The following TULP4 variants were observed in gnomAD, a reference collection of about 807,000 sequenced individuals.
The protein encoded by TULP4 is TUB like protein 4, also known as tubby-related protein 4.
Under a neutral mutation model 129.0 loss-of-function variants are expected in TULP4, and 16 were observed. The ratio of observed to expected loss-of-function variants is 0.12; its 90% confidence interval spans 0.08 to 0.19. The LOEUF (loss-of-function observed/expected upper bound fraction) is 0.19, where lower values mean the gene tolerates loss of function less well. Among genes scored for constraint, TULP4 ranks in the 10% least tolerant of loss-of-function variants. The probability of loss-of-function intolerance (pLI) is 1.00; values close to 1 mark genes in which losing one functional copy is unlikely to be tolerated. For missense variants in TULP4, 1,842 were observed against 2,059.1 expected, an observed-to-expected ratio of 0.89 and a Z score of 2.04; for synonymous variants, 998 against 854.0, an observed-to-expected ratio of 1.17 and a Z score of -2.94.
At chr6:158,317,501 C>CT (rs36152252) in intron 1 of TULP4, among the ~76,000 whole-genome samples, 130,751 of 151,878 alleles carry the variant, frequency 0.86, 56,710 homozygotes, top group South Asian at 0.93. Context: ...TGAACTCATC[C>CT]TTTTTTATGG....
chr6:158,244,986 A>G (rs1185754702), intron 1 of TULP4, among the ~76,000 whole-genome samples: 1 of 151,960 alleles, frequency 6.6e-6, no homozygotes, highest in Non-Finnish European at 1.5e-5. Flanking sequence ...TATAATTTAG[A>G]CACAATTTTT....
intron 1 of TULP4, among the ~76,000 whole-genome samples, chr6:158,316,069 G>C (rs1779484757): frequency 6.6e-6 from 1 of 152,168 alleles, no homozygotes; most frequent in Admixed American, 6.5e-5. Context: ...TCTGTGTCTG[G>C]CTTCTTTCAC....
In TULP4 at chr6:158,494,452, A is replaced by G. The variant is rs114146470; in HGVS notation, c.1777-301A>G. ...GATGTTTTCAGGCGAAATATCAAAG[A>G]TAAAAATGGATTCAGAGTTAGATCC... On this transcript the variant is annotated intron_variant, in intron 10 of 13. Coordinates refer to ENST00000367097, the MANE Select transcript of TULP4 (RefSeq NM_020245.5). Among the ~76,000 whole-genome samples the G allele has an allele frequency of 4.0e-3, 617 of 152,346 alleles. 4 individuals carry two copies. The highest frequency in any genetic ancestry group is 0.014 in the African/African-American group (585 of 41,564).
intron 1 of TULP4, among the ~76,000 whole-genome samples, chr6:158,353,044 T>C (rs950496543): frequency 2.6e-5 from 4 of 152,218 alleles, no homozygotes; most frequent in Non-Finnish European, 4.4e-5. Context: ...AGGCTCCAGC[T>C]GATGAAAAAA....
chr6:158,503,817 A>G lies in TULP4; in HGVS notation c.4154A>G (p.Lys1385Arg). The G allele has an allele frequency of 9.3e-6, 15 of 1,614,172 alleles. No homozygotes were observed. The highest frequency in any genetic ancestry group is 1.2e-5 in the Non-Finnish European group (14 of 1,180,044). Residue 1385 changes from lysine (K) to arginine (R), a missense_variant, in exon 13 of 14, where the codon AAG (lysine) becomes AGG (arginine). Physicochemically the swap from Lys to Arg is conservative, Grantham distance 26. This residue lies in a region of TULP4 where 1,089 missense variants were observed against 987.1 expected (regional missense o/e 1.10). Transcript: ENST00000367097. This position sits in a 1 kb window ranked among gnomAD's most constrained non-coding sequence, Gnocchi z 4.3. ...PHLGREKKKV[K>R]SQKDQLKSKK... ...CTGGGGAGAGAGAAGAAGAAAGTGA[A>G]GAGTCAGAAAGACCAACTGAAGTCA...
chr6:158,257,102 A>T (rs554049626), intron 1 of TULP4, among the ~76,000 whole-genome samples: 3 of 152,298 alleles, frequency 2.0e-5, no homozygotes, highest in Non-Finnish European at 4.4e-5. Flanking sequence ...CTGATCTCCA[A>T]CCAGGTTAGT....
intron 5 of TULP4, among the ~76,000 whole-genome samples, chr6:158,459,752 C>G (rs1277244309): frequency 6.6e-6 from 1 of 152,184 alleles, no homozygotes; most frequent in Non-Finnish European, 1.5e-5. Context: ...ATGCTTCTGT[C>G]CTAAGAAGCT....
chr6:158,252,378 TG>T (rs1435917827), intron 1 of TULP4, among the ~76,000 whole-genome samples: 1 of 151,988 alleles, frequency 6.6e-6, no homozygotes, highest in Non-Finnish European at 1.5e-5. Flanking sequence ...TATAAGCTTT[TG>T]TTTATTTACT....
intron 3 of TULP4, among the ~76,000 whole-genome samples, chr6:158,444,555 T>C (rs2115115666): frequency 6.6e-6 from 1 of 152,276 alleles, no homozygotes; most frequent in East Asian, 1.9e-4. Flanking sequence ...GAAGTTGACA[T>C]TTCCCAACAT....
At chr6:158,288,125 T>C (rs1778861619) in intron 1 of TULP4, among the ~76,000 whole-genome samples, 1 of 152,206 alleles carries the variant, frequency 6.6e-6, no homozygotes, top group Non-Finnish European at 1.5e-5. Flanking sequence ...AGCCTCTATT[T>C]CCTCATAGAG....
At chr6:158,431,131 T>A (rs1778617956) in intron 3 of TULP4, among the ~76,000 whole-genome samples, 1 of 152,204 alleles carries the variant, frequency 6.6e-6, no homozygotes, top group South Asian at 2.1e-4. Flanking sequence ...TTATATGAAA[T>A]GCTTAGATTC....
At chr6:158,258,187 G>A (rs1010050470) in intron 1 of TULP4, among the ~76,000 whole-genome samples, 1 of 152,236 alleles carries the variant, frequency 6.6e-6, no homozygotes, top group African/African-American at 2.4e-5. Flanking sequence ...ATTCTGGGCT[G>A]TCTACGGAAT....
At chr6:158,415,747 A>G (rs1040763678) in intron 2 of TULP4, among the ~76,000 whole-genome samples, 2 of 151,824 alleles carry the variant, frequency 1.3e-5, no homozygotes, top group African/African-American at 4.8e-5. Flanking sequence ...TTGTTATCAT[A>G]GGAGATGACA....
intron 5 of TULP4, among the ~76,000 whole-genome samples, chr6:158,452,756 C>T (rs533508094): frequency 1.0e-3 from 156 of 152,334 alleles, no homozygotes; most frequent in Non-Finnish European, 1.9e-3. Context: ...AATTACTAGA[C>T]TGAGGCATTG....
intron 1 of TULP4, among the ~76,000 whole-genome samples, chr6:158,274,562 G>A (rs530180660): frequency 3.8e-4 from 58 of 152,174 alleles, no homozygotes; most frequent in Non-Finnish European, 5.7e-4. Flanking sequence ...GGATCATGAG[G>A]TCAGGAGATC....
At chr6:158,360,299 T>C (rs1780755417) in intron 1 of TULP4, among the ~76,000 whole-genome samples, 1 of 152,106 alleles carries the variant, frequency 6.6e-6, no homozygotes, top group Non-Finnish European at 1.5e-5. Context: ...CTGGTATCTG[T>C]CCATCATGGA....
chr6:158,399,879 A>AAAG (rs1158443435), intron 1 of TULP4, among the ~76,000 whole-genome samples: 25 of 152,344 alleles, frequency 1.6e-4, no homozygotes, highest in African/African-American at 5.8e-4. Context: ...TGACGAAAGA[A>AAAG]CACTCTAAAA....
At chr6:158,297,965 G>A (rs1779063093) in intron 1 of TULP4, among the ~76,000 whole-genome samples, 1 of 152,072 alleles carries the variant, frequency 6.6e-6, no homozygotes, top group South Asian at 2.1e-4. Flanking sequence ...GACATTCCCA[G>A]AGCGGCCGTT....
At chr6:158,479,602 T>C (rs1779893461) in intron 6 of TULP4, 149 bp from the exon 7 acceptor site, 8 of 712,018 alleles carry the variant, frequency 1.1e-5, no homozygotes, top group Non-Finnish European at 1.8e-5. Context: ...ATTTTCGTAA[T>C]ATAGTGTCTA....
Sources: gnomAD v4.1 joint callset for allele counts (sites outside exome capture counted in the v4.1 genomes callset) on GRCh38, gnomAD v4.1.1 for gene constraint, gnomAD v4.1.1 regional missense constraint, Gnocchi (gnomAD v3.1) non-coding constraint, MANE v1.5 for transcripts, NCBI Gene and HGNC (gene_info 2026-07-23, HGNC 2026-07-21) for gene names.